Variants in ATP2A2 observed in about 807,000 individuals in gnomAD.
ATP2A2 encodes sarcoplasmic/endoplasmic reticulum calcium ATPase 2.
ATP2A2 carries 14 observed loss-of-function variants against 109.3 expected under a neutral mutation model. That is an observed-to-expected ratio of 0.13 (90% confidence interval 0.08 to 0.20). The LOEUF is 0.20. Among genes scored for constraint, ATP2A2 ranks in the 10% least tolerant of loss-of-function variants. The pLI is 1.00. For missense variants in ATP2A2, 657 were observed against 1,321.6 expected, an observed-to-expected ratio of 0.50 and a Z score of 7.80; for synonymous variants, 506 against 490.9, an observed-to-expected ratio of 1.03 and a Z score of -0.41.
chr12:110,280,939 G>A (rs1871968025), upstream of ATP2A2: 1 of 152,302 alleles, frequency 6.6e-6, no homozygotes, highest in South Asian at 2.1e-4. Flanking sequence ...CGTGCCCACT[G>A]TGAGCGCCCC....
At chr12:110,326,198 C>G (rs1877785505) in intron 6 of ATP2A2, 192 bp from the exon 7 acceptor site, 1 of 608,808 alleles carries the variant, frequency 1.6e-6, no homozygotes, top group Non-Finnish European at 3.0e-6. Context: ...ATCCTGACAC[C>G]CTTTGTTCTG....
chr12:110,324,785 G>C (rs866115044), intron 6 of ATP2A2, among the ~76,000 whole-genome samples: 1 of 151,754 alleles, frequency 6.6e-6, no homozygotes, highest in Non-Finnish European at 1.5e-5. Flanking sequence ...ATCACTTGTG[G>C]CCAAGAGTTT....
chr12:110,350,231 G>T lies in ATP2A2; in HGVS notation c.*3761G>T. 6.2e-7 allele frequency: 1 copy of T among 1,614,048 alleles called. No individual in the cohort carries two copies. The highest frequency in any genetic ancestry group is 8.5e-7 in the Non-Finnish European group (1 of 1,179,998). Reference sequence around the variant, plus strand: ...TGTTGATCTTCATCTATTTAAATAGGTATTCTAACGTTTCCTCTCTGTATT... The same window carrying T: ...TGTTGATCTTCATCTATTTAAATAGTTATTCTAACGTTTCCTCTCTGTATT... On this transcript the variant is annotated 3_prime_UTR_variant, in exon 20 of 20. Transcript: ENST00000539276.
At chr12:110,282,228 C>T (rs558476895) in intron 1 of ATP2A2, among the ~76,000 whole-genome samples, 4 of 152,194 alleles carry the variant, frequency 2.6e-5, no homozygotes, top group Non-Finnish European at 5.9e-5. Flanking sequence ...GTTTTCTCGT[C>T]CCCTGCCGAT....
intron 4 of ATP2A2, among the ~76,000 whole-genome samples, chr12:110,293,056 A>G (rs2137706320): frequency 6.6e-6 from 1 of 152,030 alleles, no homozygotes; most frequent in Non-Finnish European, 1.5e-5. Context: ...GGATATAATC[A>G]CCCCTTTGAG....
intron 5 of ATP2A2, among the ~76,000 whole-genome samples, chr12:110,312,731 T>A (rs547278934): frequency 1.3e-5 from 2 of 151,498 alleles, no homozygotes; most frequent in East Asian, 1.9e-4. Flanking sequence ...ATGCCTGTAA[T>A]CCTAGCTACT....
chr12:110,322,339 A>G (rs1191161394), intron 5 of ATP2A2, among the ~76,000 whole-genome samples: 5 of 152,098 alleles, frequency 3.3e-5, no homozygotes, highest in African/African-American at 1.2e-4. Context: ...TTTGAGATGG[A>G]GACTAGCTTT....
chr12:110,321,126 G>A (rs1877201112), intron 5 of ATP2A2, among the ~76,000 whole-genome samples: 1 of 152,236 alleles, frequency 6.6e-6, no homozygotes, highest in South Asian at 2.1e-4. Flanking sequence ...TGATCAGGAG[G>A]CTGAGGCAGG....
chr12:110,284,986 T>C (rs1872524231), intron 3 of ATP2A2, among the ~76,000 whole-genome samples: 1 of 152,190 alleles, frequency 6.6e-6, no homozygotes. Flanking sequence ...CTGACTCTCT[T>C]TTTGTGTCAG....
rs1227272815 is a variant in ATP2A2, at chr12:110,340,910, C to T, written c.2013C>T (p.Asn671=). ...CCGCCCAGCGAGACGCCTGCCTGAA[C>T]GCCCGCTGTTTTGCTCGAGTTGAAC... The part of the protein sequence containing the change: ...NPSAQRDACL[N]ARCFARVEPS... The change falls in exon 14 of 20, where the codon AAC becomes AAT. Residue 671 remains asparagine, a synonymous_variant. Coordinates refer to ENST00000539276, the MANE Select transcript of ATP2A2 (RefSeq NM_170665.4). The surrounding 1 kb of genome is among the most constrained non-coding windows in gnomAD (Gnocchi z 6.0). 10 of 1,614,226 alleles carry T rather than the reference C, an allele frequency of 6.2e-6. No individual in the cohort carries two copies. The highest frequency in any genetic ancestry group is 1.6e-4 in the Middle Eastern group (1 of 6,062).
intron 17 of ATP2A2, 73 bp downstream of exon 17, chr12:110,345,044 T>C (rs1321387824): frequency 1.3e-6 from 2 of 1,538,706 alleles, no homozygotes; most frequent in African/African-American, 1.4e-5. Context: ...GTGGTTTCGG[T>C]ATCTATCAAA....
At chr12:110,341,128 T>C in intron 14 of ATP2A2, 134 bp downstream of exon 14, 1 of 1,003,336 alleles carries the variant, frequency 1.0e-6, no homozygotes, top group Non-Finnish European at 1.5e-6. Context: ...TTCTCTAGAA[T>C]TCGGTGAATC....
intron 5 of ATP2A2, among the ~76,000 whole-genome samples, chr12:110,312,113 G>A (rs7960988): frequency 0.15 from 22,974 of 151,994 alleles, 2,499 homozygotes; most frequent in African/African-American, 0.31. Context: ...TGGGAGGTCA[G>A]GGCTGCAGTG....
In ATP2A2 at chr12:110,347,439, C is replaced by T. The variant is rs1053551975; in HGVS notation, c.*969C>T. 14 of 1,289,046 alleles carry T rather than the reference C, an allele frequency of 1.1e-5. No individual in the cohort carries two copies. The highest frequency in any genetic ancestry group is 1.3e-5 in the Non-Finnish European group (13 of 988,692). The allele number at this position is 1,289,046 out of a possible 1,614,324, so 79.9% of individuals were successfully genotyped here. A position where few individuals can be genotyped will look rare whatever the true frequency, so the allele number is the denominator to read the frequency against. On this transcript the variant is annotated 3_prime_UTR_variant, in exon 20 of 20. Transcript: ENST00000539276. ...TGTACTCTGCTTGAGGGGAAGAAGG[C>T]TCCTGCTCTGCTGTGTAGGTAGTCA...
chr12:110,345,425 G>A (rs764557882), intron 18 of ATP2A2, 43 bp downstream of exon 18: 1 of 1,612,910 alleles, frequency 6.2e-7, no homozygotes, highest in Non-Finnish European at 8.5e-7. Context: ...CATGGTGACT[G>A]CCAGGGCACC....
At chr12:110,308,054 C>T (rs376402617) in intron 5 of ATP2A2, among the ~76,000 whole-genome samples, 2 of 152,064 alleles carry the variant, frequency 1.3e-5, no homozygotes, top group Non-Finnish European at 2.9e-5. Context: ...TCTTTGCTAG[C>T]GTGTAGAAAT....
chr12:110,346,896 T>C lies in ATP2A2; in HGVS notation c.*426T>C, dbSNP rs1879919740. ...TGTCTTTTGCATGATGATCCGGATT[T>C]AATTTGATATCACAGTCTAATTTTT... On this transcript the variant is annotated 3_prime_UTR_variant, in exon 20 of 20. Transcript: ENST00000539276. 2 of 1,090,008 alleles carry C rather than the reference T, an allele frequency of 1.8e-6. No individual in the cohort carries two copies. The highest frequency in any genetic ancestry group is 2.2e-6 in the Non-Finnish European group (2 of 893,962). The allele number at this position is 1,090,008 out of a possible 1,614,324, so 67.5% of individuals were successfully genotyped here.
At chr12:110,328,071 A>G in intron 8 of ATP2A2, 54 bp downstream of exon 8, 1 of 1,544,882 alleles carries the variant, frequency 6.5e-7, no homozygotes, top group Non-Finnish European at 8.9e-7. Flanking sequence ...TCATCCTACC[A>G]ATATGCCTTC....
chr12:110,289,946 T>TC (rs928400113), intron 3 of ATP2A2, among the ~76,000 whole-genome samples: 7 of 152,242 alleles, frequency 4.6e-5, no homozygotes, highest in Non-Finnish European at 8.8e-5. Flanking sequence ...GTGTGACTCT[T>TC]ACTTTGTAGT....
Sources: gnomAD v4.1 joint callset for allele counts (sites outside exome capture counted in the v4.1 genomes callset) on GRCh38, gnomAD v4.1.1 for gene constraint, Gnocchi (gnomAD v3.1) non-coding constraint, MANE v1.5 for transcripts, NCBI Gene and HGNC (gene_info 2026-07-23, HGNC 2026-07-21) for gene names.